ROBO2: variants seen among roughly 807,000 people sequenced by gnomAD.
ROBO2 encodes roundabout homolog 2.
A neutral mutation model predicts 160.8 loss-of-function variants in ROBO2; 53 were observed. The ratio of observed to expected loss-of-function variants is 0.33; its 90% CI spans 0.26 to 0.41. The LOEUF is 0.41. ROBO2 is among the 10% of genes least tolerant of loss of function. The pLI is 1.00. For synonymous variants in ROBO2, 664 were observed against 611.7 expected (o/e 1.09, Z -1.26); for missense variants, 1,577 against 1,722.4 (o/e 0.92, Z 1.49).
intron 2 of ROBO2, among the ~76,000 whole-genome samples, chr3:76,024,923 A>G (rs943318610): frequency 6.7e-6 from 1 of 149,978 alleles, no homozygotes; most frequent in Non-Finnish European, 1.5e-5. Context: ...AAGTATATGT[A>G]TGTGTGTGTG....
intron 2 of ROBO2, among the ~76,000 whole-genome samples, chr3:76,006,891 A>G (rs1438499930): frequency 6.6e-6 from 1 of 152,120 alleles, no homozygotes; most frequent in Non-Finnish European, 1.5e-5. Context: ...CCGGTCAAGT[A>G]AGTTATAGTG....
chr3:76,886,627 T>C (rs1480961335), intron 2 of ROBO2, among the ~76,000 whole-genome samples: 1 of 151,762 alleles, frequency 6.6e-6, no homozygotes, highest in Non-Finnish European at 1.5e-5. Context: ...AAAAAGCAAA[T>C]AGAAGTTGGC....
chr3:77,256,717 C>T (rs770242128), intron 2 of ROBO2, among the ~76,000 whole-genome samples: 29 of 152,200 alleles, frequency 1.9e-4, no homozygotes, highest in East Asian at 7.7e-4. Flanking sequence ...GAGGCTTCTG[C>T]GAAGAGCAGA....
chr3:77,447,939 C>A (rs1287896482), intron 2 of ROBO2, among the ~76,000 whole-genome samples: 1 of 152,076 alleles, frequency 6.6e-6, no homozygotes, highest in East Asian at 1.9e-4. Flanking sequence ...TAAACTCTTG[C>A]TCATTGTACA....
chr3:77,254,280 G>C lies in ROBO2; in HGVS notation c.388+155940G>C, dbSNP rs771876774. On this transcript the variant is annotated intron_variant, in intron 2 of 25. Coordinates refer to ENST00000461745, the Ensembl canonical transcript of ROBO2. ...CTATCTCAAAAAGAAAGAAAAAATA[G>C]TTTTCTGCTCTTCTAGTGAATAGTG... Among the ~76,000 whole-genome samples the C allele has an allele frequency of 6.6e-5, 10 of 152,150 alleles. 1 individual carries two copies. In the South Asian group the frequency reaches 1.7e-3, roughly 25 times the overall value.
chr3:76,827,660 C>T (rs2066704618), intron 2 of ROBO2, among the ~76,000 whole-genome samples: 1 of 152,102 alleles, frequency 6.6e-6, no homozygotes, highest in Non-Finnish European at 1.5e-5. Flanking sequence ...AAAGCATTTT[C>T]ACAATTCAGT....
chr3:76,985,773 C>G (rs1016500391), intron 2 of ROBO2, among the ~76,000 whole-genome samples: 12 of 152,000 alleles, frequency 7.9e-5, no homozygotes, highest in Admixed American at 7.9e-4. Context: ...AGTGAAGGAA[C>G]AGAGTGGACC....
chr3:76,803,543 G>A (rs2064417648), intron 2 of ROBO2, among the ~76,000 whole-genome samples: 1 of 151,058 alleles, frequency 6.6e-6, no homozygotes, highest in Admixed American at 6.6e-5. Flanking sequence ...AAGGAAAGTA[G>A]GAAAAGAGAA....
intron 2 of ROBO2, among the ~76,000 whole-genome samples, chr3:76,270,532 C>G (rs1038550958): frequency 6.6e-6 from 1 of 151,988 alleles, no homozygotes; most frequent in Non-Finnish European, 1.5e-5. Context: ...CTCCTTCTTC[C>G]CCATCCCCCA....
At chr3:76,821,746 C>T (rs148390409) in intron 2 of ROBO2, among the ~76,000 whole-genome samples, 74 of 152,054 alleles carry the variant, frequency 4.9e-4, no homozygotes, top group African/African-American at 1.6e-3. Flanking sequence ...ATATCAGTGG[C>T]ATCTGCAGGC....
At chr3:76,833,982 TTTCTTTCTTTCTTTCC>T (rs1474729752) in intron 2 of ROBO2, among the ~76,000 whole-genome samples, 15 of 99,054 alleles carry the variant, frequency 1.5e-4, no homozygotes, top group Non-Finnish European at 3.1e-4. Flanking sequence ...CTTTCTTTTC[TTTCTTTCTTTCTTTCC>T]TTCTTTCTTT....
At chr3:76,794,943 C>T (rs965080747) in intron 2 of ROBO2, among the ~76,000 whole-genome samples, 1 of 151,756 alleles carries the variant, frequency 6.6e-6, no homozygotes, top group African/African-American at 2.4e-5. Flanking sequence ...GCAGGCATAC[C>T]TCAGAGATAT....
chr3:76,487,765 G>T (rs1349197641), intron 2 of ROBO2, among the ~76,000 whole-genome samples: 1 of 152,202 alleles, frequency 6.6e-6, no homozygotes, highest in East Asian at 1.9e-4. Context: ...GTAGCTGAAA[G>T]AATTAATCTC....
chr3:76,705,293 A>T (rs2107519899), intron 2 of ROBO2, among the ~76,000 whole-genome samples: 1 of 152,266 alleles, frequency 6.6e-6, no homozygotes, highest in East Asian at 1.9e-4. Context: ...GAGTAATACA[A>T]TGTATAGTAA....
At chr3:76,344,634 A>C (rs2074418653) in intron 2 of ROBO2, among the ~76,000 whole-genome samples, 1 of 152,180 alleles carries the variant, frequency 6.6e-6, no homozygotes, top group Non-Finnish European at 1.5e-5. Flanking sequence ...GATGGATAAA[A>C]AGAAGAGGAA....
chr3:76,268,160 C>T (rs1314082985), intron 2 of ROBO2, among the ~76,000 whole-genome samples: 4 of 152,038 alleles, frequency 2.6e-5, no homozygotes, highest in Admixed American at 2.6e-4. Flanking sequence ...GTCTCAGTTA[C>T]TCAGGAGACG....
At chr3:75,943,377 T>C (rs1192531738) in intron 2 of ROBO2, among the ~76,000 whole-genome samples, 1 of 152,186 alleles carries the variant, frequency 6.6e-6, no homozygotes, top group Non-Finnish European at 1.5e-5. Flanking sequence ...GGAAAAATAT[T>C]TTAAACACCA....
At chr3:77,267,749 G>C (rs2059229080) in intron 2 of ROBO2, among the ~76,000 whole-genome samples, 1 of 152,158 alleles carries the variant, frequency 6.6e-6, no homozygotes, top group Admixed American at 6.5e-5. Flanking sequence ...GAGGGGGCTT[G>C]ACCCTTGACT....
chr3:76,746,346 C>T (rs1560487683), intron 2 of ROBO2, among the ~76,000 whole-genome samples: 1 of 151,870 alleles, frequency 6.6e-6, no homozygotes, highest in Non-Finnish European at 1.5e-5. Context: ...TGGGTATATA[C>T]CCAGTAATGG....
Sources: allele counts gnomAD v4.1 joint callset (sites outside exome capture counted in the v4.1 genomes callset), GRCh38; gene constraint gnomAD v4.1.1; transcripts MANE v1.5; gene names NCBI Gene and HGNC (gene_info 2026-07-23, HGNC 2026-07-21).